The following LARP7 variants were observed in gnomAD, a reference collection of about 807,000 sequenced individuals.
The protein encoded by LARP7 is la-related protein 7.
Under a neutral mutation model 69.3 loss-of-function variants are expected in LARP7, and 52 were observed. The observed-to-expected ratio is 0.75, with a 90% confidence interval of 0.60 to 0.95. The LOEUF (loss-of-function observed/expected upper bound fraction) is 0.95. LARP7 is among the 40% of genes least tolerant of loss of function. LARP7 has a pLI of 0.00. For missense variants in LARP7, 733 were observed against 673.0 expected (o/e 1.09, Z -0.99); for synonymous variants, 254 against 215.9 (o/e 1.18, Z -1.55).
rs137906168 is a variant in LARP7, at chr4:112,641,250, C to T, written c.-2-3418C>T. ...AAAATACAAAAAAAAATTAGCCAGG[C>T]GTGGTGGCACATGCCTATAGTCCCA... On this transcript the variant is annotated intron_variant, in intron 1 of 12. Coordinates refer to ENST00000344442, the MANE Select transcript of LARP7 (RefSeq NM_016648.4). 1.2e-4 allele frequency among the ~76,000 whole-genome samples: 18 copies of T among 152,122 alleles called. 1 individual carries two copies. In the East Asian group the frequency reaches 2.9e-3, roughly 25 times the overall value.
rs781461357 is a variant in LARP7 at position 112,650,484 on chromosome 4, AC to A, written c.1321del (p.Gln441ArgfsTer12). The A allele has an allele frequency of 6.2e-7, 1 of 1,613,764 alleles. No individual in the cohort carries two copies. The highest frequency in any genetic ancestry group is 1.7e-5 in the Admixed American group (1 of 59,996). On this transcript the variant is annotated frameshift_variant, in exon 10 of 13. Transcript: ENST00000344442. LOFTEE classifies it high-confidence loss of function. ...AGCAGCCAACAGGGAAGAGTGTCGC[AC>A]CCAGGAGAAAGTTAATGCAACAGGA... ...EKTANREECR[T>X]QEKVNATGPQ...
Position 112,657,391 on chromosome 4 carries a change from T to C in LARP7, c.*64T>C. 2 of 747,160 alleles carry C rather than the reference T, an allele frequency of 2.7e-6. No individual in the cohort carries two copies. Among genetic ancestry groups the C allele is most frequent in the Non-Finnish European group, 4.2e-6 (2 of 480,316 alleles). The allele number at this position is 747,160 out of a possible 1,614,324, so 46.3% of individuals were successfully genotyped here. ...CTTGAGCTGTTCTTGGGAGATTCACTTTTATTATGGTAGCACTGCATAATT... is the reference window on the plus strand; with the variant it reads ...CTTGAGCTGTTCTTGGGAGATTCACCTTTATTATGGTAGCACTGCATAATT... On this transcript the variant is annotated 3_prime_UTR_variant, in exon 13 of 13. Coordinates refer to ENST00000344442, the MANE Select transcript of LARP7 (RefSeq NM_016648.4).
In LARP7 at chr4:112,645,910, G is replaced by C. The variant is rs75111720; in HGVS notation, c.203-441G>C. Among the ~76,000 whole-genome samples, 683 of 152,156 alleles carry C rather than the reference G, an allele frequency of 4.5e-3. 8 individuals carry two copies. The highest frequency in any genetic ancestry group is 7.8e-3 in the Non-Finnish European group (530 of 68,000). On this transcript the variant is annotated intron_variant, in intron 2 of 12. Coordinates refer to ENST00000344442, the MANE Select transcript of LARP7 (RefSeq NM_016648.4). ...TGTCTGGGTATTGCTAATAATTTGT[G>C]TTCAAATCTTAATCTGCAGTTACAT...
chr4:112,644,473 A>G (rs1160919741), intron 1 of LARP7, 195 bp from the exon 2 acceptor site: 1 of 1,187,306 alleles, frequency 8.4e-7, no homozygotes, highest in South Asian at 2.3e-5. Flanking sequence ...TAAAGCTATG[A>G]TCCCTAACAT....
chr4:112,653,689 G>T (rs2048848566), intron 11 of LARP7, among the ~76,000 whole-genome samples: 1 of 152,120 alleles, frequency 6.6e-6, no homozygotes, highest in South Asian at 2.1e-4. Context: ...TCTCCATGTT[G>T]GTCAGGCTGG....
chr4:112,642,893 G>A (rs1055505071), intron 1 of LARP7, among the ~76,000 whole-genome samples: 9 of 152,192 alleles, frequency 5.9e-5, no homozygotes, highest in Admixed American at 2.0e-4. Flanking sequence ...GGTGCAACAT[G>A]GGAAACAGAT....
intron 1 of LARP7, among the ~76,000 whole-genome samples, chr4:112,640,483 C>G (rs1382875742): frequency 6.6e-6 from 1 of 152,078 alleles, no homozygotes; most frequent in African/African-American, 2.4e-5. Flanking sequence ...GGGCAGATCA[C>G]TTGAGGTCAG....
rs773314173 is a variant in LARP7, at chr4:112,649,574, A to G, written c.1182A>G (p.Leu394=). Reference sequence around the variant, plus strand: ...ATTTGAAAAAAGAGTATTTAGCGCTACAAAAAGCTAGCATGGCTTCTTTAA... The same window carrying G: ...ATTTGAAAAAAGAGTATTTAGCGCTGCAAAAAGCTAGCATGGCTTCTTTAA... ...WMDLKKEYLA[L]QKASMASLKK... The change falls in exon 9 of 13, where the codon CTA becomes CTG. Residue 394 remains leucine, a synonymous_variant. Coordinates refer to ENST00000344442, the MANE Select transcript of LARP7 (RefSeq NM_016648.4). The G allele has an allele frequency of 1.2e-6, 2 of 1,606,878 alleles. No individual in the cohort carries two copies. The highest frequency in any genetic ancestry group is 2.2e-5 in the East Asian group (1 of 44,628).
chr4:112,644,314 A>C, intron 1 of LARP7: 1 of 265,990 alleles, frequency 3.8e-6, no homozygotes, highest in Non-Finnish European at 6.8e-6. Context: ...GATGGAGAGG[A>C]GGGGGTGTTG....
chr4:112,655,672 A>G (rs2048925597), intron 12 of LARP7, among the ~76,000 whole-genome samples: 1 of 152,240 alleles, frequency 6.6e-6, no homozygotes, highest in East Asian at 1.9e-4. Flanking sequence ...CCCTACTTTC[A>G]TGAAGCTAAC....
chr4:112,651,739 T>A (rs539305000), intron 10 of LARP7, among the ~76,000 whole-genome samples: 1 of 152,294 alleles, frequency 6.6e-6, no homozygotes, highest in East Asian at 1.9e-4. Context: ...ATTACCAGGC[T>A]AATTTGTCAT....
chr4:112,651,552 A>G (rs1182772020), intron 10 of LARP7, among the ~76,000 whole-genome samples: 6 of 152,174 alleles, frequency 3.9e-5, no homozygotes, highest in Non-Finnish European at 7.4e-5. Flanking sequence ...TTTCTAATCA[A>G]CTCATTAAAT....
intron 10 of LARP7, among the ~76,000 whole-genome samples, chr4:112,651,023 C>T (rs910904660): frequency 1.3e-5 from 2 of 152,014 alleles, no homozygotes; most frequent in African/African-American, 2.4e-5. Context: ...ATAATTTTTT[C>T]GCTTTATACA....
intron 2 of LARP7, chr4:112,645,439 CAT>C (rs758264625): frequency 1.3e-5 from 6 of 448,994 alleles, no homozygotes; most frequent in Non-Finnish European, 2.2e-5. Context: ...AACCATTCAT[CAT>C]GTGTAACTCG....
intron 2 of LARP7, chr4:112,645,466 TAGTTCATACAAGAAGGC>T: frequency 2.2e-6 from 1 of 456,108 alleles, no homozygotes; most frequent in South Asian, 1.5e-5. Flanking sequence ...TGCTATACTT[TAGTTCATACAAGAAGGC>T]ATTTCACCTA....
At chr4:112,644,316 G>T (rs1578565121) in intron 1 of LARP7, 1 of 317,190 alleles carries the variant, frequency 3.2e-6, no homozygotes, top group Non-Finnish European at 5.6e-6. Flanking sequence ...TGGAGAGGAG[G>T]GGGTGTTGCG....
intron 11 of LARP7, 21 bp from the exon 12 acceptor site, chr4:112,654,047 G>C (rs1321274061): frequency 6.4e-7 from 1 of 1,562,960 alleles, no homozygotes; most frequent in African/African-American, 1.4e-5. Context: ...TCATCCATCA[G>C]AGTCTTTGTT....
intron 12 of LARP7, chr4:112,654,365 A>T (rs2048876002): frequency 4.4e-6 from 2 of 453,954 alleles, no homozygotes; most frequent in Admixed American, 3.7e-5. Context: ...TCTCACAAGG[A>T]TACATAATTT....
Position 112,657,463 on chromosome 4 carries a change from A to G in LARP7, c.*136A>G, listed in dbSNP as rs898530646. ...AATATCTTTGTTCCTCAACTTGTAA[A>G]TAAGACTTTTTTCTAGAGACAAATA... On this transcript the variant is annotated 3_prime_UTR_variant, in exon 13 of 13. Coordinates refer to ENST00000344442, the MANE Select transcript of LARP7 (RefSeq NM_016648.4). 1.9e-5 allele frequency: 8 copies of G among 416,682 alleles called. No individual in the cohort carries two copies. The highest frequency in any genetic ancestry group is 4.5e-5 in the Admixed American group (1 of 22,214). The allele number at this position is 416,682 out of a possible 1,614,324, so 25.8% of individuals were successfully genotyped here.
Sources: gnomAD v4.1 joint callset for allele counts (sites outside exome capture counted in the v4.1 genomes callset) on GRCh38, gnomAD v4.1.1 for gene constraint, MANE v1.5 for transcripts, NCBI Gene and HGNC (gene_info 2026-07-23, HGNC 2026-07-21) for gene names.